C3orf20: variants seen among roughly 807,000 people sequenced by gnomAD.
C3orf20 encodes the protein family with sequence similarity 149 member C, also known as uncharacterized protein C3orf20.
A neutral mutation model predicts 88.3 loss-of-function variants in C3orf20; 76 were observed. That is an observed-to-expected ratio of 0.86 (90% CI 0.72 to 1.04). C3orf20 has a LOEUF of 1.04. C3orf20 is among the 50% of genes least tolerant of loss of function. The pLI is 0.00. For synonymous variants in C3orf20, 436 were observed against 437.4 expected, an observed-to-expected ratio of 1.00 and a Z score of 0.04; for missense variants, 1,056 against 1,123.3, an observed-to-expected ratio of 0.94 and a Z score of 0.86.
chr3:14,690,052 C>T lies in C3orf20; in HGVS notation c.681C>T (p.Tyr227=). Residue 227 remains tyrosine, a synonymous_variant, in exon 5 of 17, where the codon TAC becomes TAT. Transcript: ENST00000253697. ...IGVNSPYQLI[Y]HSSTACLSFS... ...TGAACTCGCCTTACCAGCTGATCTA[C>T]CACTCTTCCACAGCCTGTCTGAGCT... The T allele has an allele frequency of 2.5e-6, 4 of 1,614,220 alleles. No individual in the cohort carries two copies. The highest frequency in any genetic ancestry group is 3.4e-6 in the Non-Finnish European group (4 of 1,180,034).
chr3:14,726,992 C>G lies in C3orf20; in HGVS notation c.1658C>G (p.Thr553Ser). 6.2e-7 allele frequency: 1 copy of G among 1,614,176 alleles called. No homozygotes were observed. Among genetic ancestry groups the G allele is most frequent in the Non-Finnish European group, 8.5e-7 (1 of 1,180,036 alleles). Residue 553 changes from threonine (T) to serine (S), a missense_variant, in exon 11 of 17, where the codon ACT (threonine) becomes AGT (serine). Thr to Ser is a moderately conservative substitution (Grantham distance 58). Transcript: ENST00000253697. ...AAGAAGCGGTTTCAGAAGACAGTGA[C>G]TCAGTTCATTAATTCTATCTTGCTG... ...EIKKRFQKTV[T>S]QFINSILLAA...
chr3:14,692,799 C>A (rs1026762834), intron 5 of C3orf20, among the ~76,000 whole-genome samples: 1 of 152,148 alleles, frequency 6.6e-6, no homozygotes, highest in African/African-American at 2.4e-5. Flanking sequence ...CTCAAGAAAT[C>A]TTTGCCCACT....
chr3:14,701,572 C>T lies in C3orf20; in HGVS notation c.746-1558C>T, dbSNP rs2033261175. On this transcript the variant is annotated intron_variant, in intron 5 of 16. Coordinates refer to ENST00000253697, the MANE Select transcript of C3orf20 (RefSeq NM_032137.5). The surrounding 1 kb of genome is among the most constrained non-coding windows in gnomAD (Gnocchi z 4.6). ...CAGCTGTGAAAATTAGTATCACAGG[C>T]ACAGATCGTTGTCATCCAGGTCATG... 1.3e-5 allele frequency among the ~76,000 whole-genome samples: 2 copies of T among 152,116 alleles called. No individual in the cohort carries two copies. The highest frequency in any genetic ancestry group is 2.1e-4 in the South Asian group (1 of 4,816).
rs1250150026 is a variant in C3orf20 at position 14,704,329 on chromosome 3, C to T, written c.879-8C>T. 6.2e-7 allele frequency: 1 copy of T among 1,613,746 alleles called. No individual in the cohort carries two copies. The highest frequency in any genetic ancestry group is 8.5e-7 in the Non-Finnish European group (1 of 1,179,880). ...GGCTAGACAATATATTGCTCTCCTTCTCTGCAGAGAAGCTGAAAGGGCCAC... is the reference window on the plus strand; with the variant it reads ...GGCTAGACAATATATTGCTCTCCTTTTCTGCAGAGAAGCTGAAAGGGCCAC... On this transcript the variant is annotated splice_region_variant and splice_polypyrimidine_tract_variant and intron_variant, in intron 6 of 16. Transcript: ENST00000253697.
rs980981723 is a variant in C3orf20 at position 14,768,767 on chromosome 3, A to G, written c.2496-3300A>G. Among the ~76,000 whole-genome samples, 4 of 152,146 alleles carry G rather than the reference A, an allele frequency of 2.6e-5. No individual in the cohort carries two copies. Among genetic ancestry groups the G allele is most frequent in the Non-Finnish European group, 5.9e-5 (4 of 68,022 alleles). ...CATGGGGAGGTGGGCTCCACACCCG[A>G]CAAGGGCCTGTTCTTGTGGATGCTT... On this transcript the variant is annotated intron_variant, in intron 15 of 16. Transcript: ENST00000253697. This position sits in a 1 kb window ranked among gnomAD's most constrained non-coding sequence, Gnocchi z 4.1.
chr3:14,761,909 C>T (rs1479886909), intron 15 of C3orf20, among the ~76,000 whole-genome samples: 1 of 152,072 alleles, frequency 6.6e-6, no homozygotes, highest in Non-Finnish European at 1.5e-5. Context: ...GAAAAAGAGC[C>T]CCCTTGGGGA....
intron 4 of C3orf20, among the ~76,000 whole-genome samples, chr3:14,685,081 A>T (rs2032323638): frequency 6.6e-6 from 1 of 152,190 alleles, no homozygotes; most frequent in Non-Finnish European, 1.5e-5. Flanking sequence ...ATTAATCCGA[A>T]TGTTTATCAA....
chr3:14,754,847 C>T (rs979277018), intron 12 of C3orf20, among the ~76,000 whole-genome samples: 1 of 152,152 alleles, frequency 6.6e-6, no homozygotes, highest in Admixed American at 6.5e-5. Flanking sequence ...ACCTCAGCCT[C>T]CCAAGAAACT....
chr3:14,749,777 C>T (rs1223902325), intron 12 of C3orf20, among the ~76,000 whole-genome samples: 4 of 150,266 alleles, frequency 2.7e-5, no homozygotes, highest in East Asian at 3.9e-4. Context: ...TTGTGGTTAC[C>T]GTGGTGATTA....
At chr3:14,731,390 A>C (rs1407086365) in intron 12 of C3orf20, among the ~76,000 whole-genome samples, 2 of 152,166 alleles carry the variant, frequency 1.3e-5, no homozygotes, top group Non-Finnish European at 2.9e-5. Flanking sequence ...TTCAGAGATT[A>C]ACTAGGACCC....
At position 14,759,956 on chromosome 3, in the gene C3orf20, C is replaced by T. The variant is rs758246457; in HGVS notation, c.2310C>T (p.Pro770=). 14 of 1,614,020 alleles carry T rather than the reference C, an allele frequency of 8.7e-6. No individual in the cohort carries two copies. The highest frequency in any genetic ancestry group is 1.0e-5 in the Non-Finnish European group (12 of 1,180,010). ...ACAGCCCCCTGCAGGAGGACCCTCC[C>T]CTGATGGTGAAGAAGAACTCTGTGG... ...DLDSPLQEDP[P]LMVKKNSVVQ... The change falls in exon 14 of 17, where the codon CCC becomes CCT. Residue 770 remains proline, a synonymous_variant. Coordinates refer to ENST00000253697, the MANE Select transcript of C3orf20 (RefSeq NM_032137.5).
chr3:14,684,849 A>G (rs771185621), intron 4 of C3orf20, among the ~76,000 whole-genome samples: 3 of 152,186 alleles, frequency 2.0e-5, no homozygotes, highest in Non-Finnish European at 4.4e-5. Flanking sequence ...CGAGTCATAC[A>G]GCCCGAGGGA....
At chr3:14,686,014 A>T (rs1479874067) in intron 4 of C3orf20, among the ~76,000 whole-genome samples, 2 of 152,096 alleles carry the variant, frequency 1.3e-5, no homozygotes, top group East Asian at 3.9e-4. Context: ...GGTGTGTGCC[A>T]CAATGCTCGG....
Position 14,768,245 on chromosome 3 carries a change from G to C in C3orf20, c.2496-3822G>C, listed in dbSNP as rs550964960. 6.6e-6 allele frequency among the ~76,000 whole-genome samples: 1 copy of C among 152,066 alleles called. No homozygotes were observed. The highest frequency in any genetic ancestry group is 2.4e-5 in the African/African-American group (1 of 41,400). ...AGCAGTGCAGGGGGCCCACACCCTC[G>C]TCCGCTGCATACACCAAGACCCCTC... On this transcript the variant is annotated intron_variant, in intron 15 of 16. Transcript: ENST00000253697. The surrounding 1 kb of genome is among the most constrained non-coding windows in gnomAD (Gnocchi z 4.1).
intron 12 of C3orf20, among the ~76,000 whole-genome samples, chr3:14,731,220 T>C (rs1301065764): frequency 2.6e-5 from 4 of 152,240 alleles, no homozygotes; most frequent in African/African-American, 9.6e-5. Context: ...CAGAACATCA[T>C]GTAAATGGAA....
chr3:14,742,870 A>G (rs530398852), intron 12 of C3orf20, among the ~76,000 whole-genome samples: 41 of 152,250 alleles, frequency 2.7e-4, no homozygotes, highest in African/African-American at 9.2e-4. Context: ...TTTATTCACT[A>G]TCAGGAGAAT....
chr3:14,730,737 T>C (rs895420972), intron 12 of C3orf20, among the ~76,000 whole-genome samples: 3 of 152,218 alleles, frequency 2.0e-5, no homozygotes, highest in African/African-American at 4.8e-5. Context: ...TTTTCCGCCA[T>C]GGTCGTTTTA....
chr3:14,700,104 C>T (rs2033189562), intron 5 of C3orf20, among the ~76,000 whole-genome samples: 1 of 152,212 alleles, frequency 6.6e-6, no homozygotes, highest in Non-Finnish European at 1.5e-5. Flanking sequence ...ACTCTCTGTG[C>T]CTTGCAGCTG....
chr3:14,711,584 A>G (rs1257138403), intron 7 of C3orf20, among the ~76,000 whole-genome samples: 1 of 147,622 alleles, frequency 6.8e-6, no homozygotes, highest in African/African-American at 2.5e-5. Context: ...TAGACACGGC[A>G]TATGGTTGAA....
Sources: allele counts gnomAD v4.1 joint callset (sites outside exome capture counted in the v4.1 genomes callset), GRCh38; gene constraint gnomAD v4.1.1; non-coding constraint Gnocchi (gnomAD v3.1); transcripts MANE v1.5; gene names NCBI Gene and HGNC (gene_info 2026-07-23, HGNC 2026-07-21).